The following ARL15 variants were observed in gnomAD, a reference collection of about 807,000 sequenced individuals.
The protein encoded by ARL15 is ARF like GTPase 15.
ARL15 carries 19 observed loss-of-function variants against 25.2 expected under a neutral mutation model. That is an observed-to-expected ratio of 0.75 (90% CI 0.53 to 1.10). The LOEUF (loss-of-function observed/expected upper bound fraction) is 1.10, where lower values mean the gene tolerates loss of function less well. Among genes scored for constraint, ARL15 ranks in the 50% least tolerant of loss-of-function variants. The probability of loss-of-function intolerance (pLI) is 0.00; values close to 1 mark genes in which losing one functional copy is unlikely to be tolerated. For missense variants in ARL15, 220 were observed against 246.0 expected (o/e 0.89, Z 0.71); for synonymous variants, 94 against 86.8 (o/e 1.08, Z -0.46).
At chr5:54,059,339 C>G (rs78852196) in intron 4 of ARL15, among the ~76,000 whole-genome samples, 1 of 152,134 alleles carries the variant, frequency 6.6e-6, no homozygotes, top group Non-Finnish European at 1.5e-5. Context: ...TGAAGTGAGA[C>G]GACCTTGAGA....
At chr5:54,067,485 C>T (rs975322936) in intron 4 of ARL15, among the ~76,000 whole-genome samples, 1 of 152,116 alleles carries the variant, frequency 6.6e-6, no homozygotes, top group Non-Finnish European at 1.5e-5. Flanking sequence ...TCTTTTTCTT[C>T]ATTTATTCAG....
At chr5:54,209,340 AG>A (rs1755968809) in intron 1 of ARL15, among the ~76,000 whole-genome samples, 1 of 142,036 alleles carries the variant, frequency 7.0e-6, no homozygotes, top group African/African-American at 3.1e-5. Flanking sequence ...AGAAAGAGAG[AG>A]AGAGAGAGAG....
At chr5:54,048,462 G>C (rs1750603915) in intron 4 of ARL15, among the ~76,000 whole-genome samples, 1 of 148,246 alleles carries the variant, frequency 6.7e-6, no homozygotes, top group Non-Finnish European at 1.5e-5. Context: ...GAATGCAATG[G>C]CACGATCTCA....
At chr5:53,926,751 T>C (rs1746040454) in intron 4 of ARL15, among the ~76,000 whole-genome samples, 1 of 152,192 alleles carries the variant, frequency 6.6e-6, no homozygotes, top group Non-Finnish European at 1.5e-5. Context: ...ATCCATGCTC[T>C]TCTTTCCCTC....
chr5:54,011,414 T>C (rs1223126108), intron 4 of ARL15, among the ~76,000 whole-genome samples: 2 of 152,200 alleles, frequency 1.3e-5, no homozygotes, highest in Non-Finnish European at 2.9e-5. Flanking sequence ...CAGAAGAGGT[T>C]GGTTTTTTGT....
rs572736929 is a variant in ARL15 at position 54,221,500 on chromosome 5, C to G, written c.49-49572G>C. Among the ~76,000 whole-genome samples, 35 of 152,222 alleles carry G rather than the reference C, an allele frequency of 2.3e-4. No homozygotes were observed. The South Asian group carries it at 5.0e-3, about 22-fold the overall frequency. On this transcript the variant is annotated intron_variant, in intron 1 of 4. Transcript: ENST00000504924. ...AGGGATTTTTCTTTTTCCTTTCTTT[C>G]CTTTATTTCTTTCAAATCCTACAAT...
At chr5:54,225,482 T>C (rs1221491935) in intron 1 of ARL15, among the ~76,000 whole-genome samples, 1 of 152,132 alleles carries the variant, frequency 6.6e-6, no homozygotes, top group African/African-American at 2.4e-5. Context: ...GAGAAGATAC[T>C]ACTTGGCCAG....
At chr5:54,240,609 A>AC (rs1756934718) in intron 1 of ARL15, among the ~76,000 whole-genome samples, 1 of 152,162 alleles carries the variant, frequency 6.6e-6, no homozygotes, top group Non-Finnish European at 1.5e-5. Context: ...TTTCTGGTTC[A>AC]CCATCAAATC....
chr5:54,015,292 CA>C (rs112278417), intron 4 of ARL15, among the ~76,000 whole-genome samples: 70,915 of 138,028 alleles, frequency 0.51, 18,194 homozygotes, highest in East Asian at 0.83. Context: ...AACTCCATCT[CA>C]AAAAAAAAAA....
chr5:54,172,826 A>G (rs1754759928), intron 1 of ARL15, among the ~76,000 whole-genome samples: 1 of 152,244 alleles, frequency 6.6e-6, no homozygotes, highest in Non-Finnish European at 1.5e-5. Flanking sequence ...GAGTCTCTAT[A>G]CATACCACTG....
At chr5:54,199,023 C>A in intron 1 of ARL15, among the ~76,000 whole-genome samples, 1 of 151,486 alleles carries the variant, frequency 6.6e-6, no homozygotes, top group Middle Eastern at 3.4e-3. Flanking sequence ...CTTTGACAAA[C>A]CTGAGAAAAA....
chr5:53,888,384 G>A (rs768502501), intron 4 of ARL15, among the ~76,000 whole-genome samples: 12 of 151,970 alleles, frequency 7.9e-5, no homozygotes, highest in African/African-American at 1.2e-4. Context: ...AGGCTTGGGC[G>A]ATCCTCCCAC....
intron 1 of ARL15, among the ~76,000 whole-genome samples, chr5:54,220,801 G>A (rs1010073434): frequency 2.6e-5 from 4 of 152,098 alleles, no homozygotes; most frequent in African/African-American, 9.7e-5. Flanking sequence ...CTAATTCATG[G>A]TGACCAATAA....
At chr5:54,163,354 AGCTTTTT>A (rs1754464436) in intron 2 of ARL15, among the ~76,000 whole-genome samples, 2 of 63,076 alleles carry the variant, frequency 3.2e-5, no homozygotes, top group Non-Finnish European at 6.0e-5. Flanking sequence ...ATTGGTATGA[AGCTTTTT>A]TTTTTTTTTT....
intron 4 of ARL15, among the ~76,000 whole-genome samples, chr5:53,999,612 A>G (rs1431938765): frequency 6.6e-6 from 1 of 150,820 alleles, no homozygotes; most frequent in African/African-American, 2.4e-5. Flanking sequence ...AAATAAAAAT[A>G]AATAAATAAA....
chr5:54,013,576 C>T (rs1203286928), intron 4 of ARL15, among the ~76,000 whole-genome samples: 1 of 152,172 alleles, frequency 6.6e-6, no homozygotes, highest in Non-Finnish European at 1.5e-5. Context: ...GCATAGCTTA[C>T]CTTCCTATAA....
chr5:54,216,899 T>C (rs2112521074), intron 1 of ARL15, among the ~76,000 whole-genome samples: 1 of 152,290 alleles, frequency 6.6e-6, no homozygotes, highest in East Asian at 1.9e-4. Flanking sequence ...AGATGTTTTA[T>C]CTCTTTCTAT....
At chr5:53,887,493 G>T in intron 4 of ARL15, 1 of 628,082 alleles carries the variant, frequency 1.6e-6, no homozygotes, top group Non-Finnish European at 2.9e-6. Flanking sequence ...CTGACTAACG[G>T]CATTTAGTAT....
chr5:53,887,475 C>A, intron 4 of ARL15: 1 of 665,888 alleles, frequency 1.5e-6, no homozygotes, highest in South Asian at 1.6e-5. Context: ...ACTATATTGG[C>A]CAGCATACTG....
Sources: gnomAD v4.1 joint callset for allele counts (sites outside exome capture counted in the v4.1 genomes callset) on GRCh38, gnomAD v4.1.1 for gene constraint, MANE v1.5 for transcripts, NCBI Gene and HGNC (gene_info 2026-07-23, HGNC 2026-07-21) for gene names.